Variants in GALNT5 observed in about 807,000 individuals in gnomAD.
GALNT5 encodes UDP-GalNAc:polypeptide N-acetylgalactosaminyltransferase 5.
In GALNT5, 72 loss-of-function variants were observed where a neutral mutation model predicts 85.4. The ratio of observed to expected loss-of-function variants is 0.84; its 90% CI spans 0.70 to 1.03. The LOEUF (loss-of-function observed/expected upper bound fraction) is 1.03. GALNT5 is among the 50% of genes least tolerant of loss of function. The pLI is 0.00. For missense variants in GALNT5, 1,137 were observed against 1,135.5 expected, an observed-to-expected ratio of 1.00 and a Z score of -0.02; for synonymous variants, 404 against 397.0, an observed-to-expected ratio of 1.02 and a Z score of -0.21.
At chr2:157,310,792 T>G (rs16841586) in intron 9 of GALNT5, among the ~76,000 whole-genome samples, 2,702 of 152,288 alleles carry the variant, frequency 0.018, 80 homozygotes, top group East Asian at 0.13. Context: ...TCCAGAATTT[T>G]GTAATCCAAA....
In GALNT5 at chr2:157,312,862, T is replaced by C. The variant is rs527647928; in HGVS notation, c.*1514T>C. The C allele has an allele frequency of 2.9e-4, 44 of 152,312 alleles. No homozygotes were observed. Among genetic ancestry groups the C allele is most frequent in the Admixed American group, 1.1e-3 (17 of 15,296 alleles). 9.4% of individuals were successfully genotyped at this position (152,312 alleles called of 1,614,324 possible). ...CTGGAGGACAACCATACTATATTCTTGTTAATATGTTTTTTCTTTTTTTAA... is the reference window on the plus strand; with the variant it reads ...CTGGAGGACAACCATACTATATTCTCGTTAATATGTTTTTTCTTTTTTTAA... On this transcript the variant is annotated 3_prime_UTR_variant, in exon 10 of 10. Transcript: ENST00000259056.
chr2:157,296,922 C>G (rs532688294), intron 5 of GALNT5, among the ~76,000 whole-genome samples: 1 of 152,130 alleles, frequency 6.6e-6, no homozygotes, highest in Non-Finnish European at 1.5e-5. Flanking sequence ...CTTTTACAGC[C>G]TAATCCTACC....
intron 1 of GALNT5, among the ~76,000 whole-genome samples, chr2:157,260,438 A>G (rs183908250): frequency 3.4e-4 from 52 of 152,392 alleles, no homozygotes; most frequent in African/African-American, 1.2e-3. Context: ...GATGTGGATC[A>G]AAACATAGAT....
chr2:157,298,476 T>G (rs1683263809), intron 5 of GALNT5, among the ~76,000 whole-genome samples: 2 of 152,148 alleles, frequency 1.3e-5, no homozygotes, highest in Non-Finnish European at 2.9e-5. Context: ...AGGGCGCCAA[T>G]TCACCGCAGC....
chr2:157,290,112 T>TATATATATATATATACACAC (rs1416458086), intron 3 of GALNT5, among the ~76,000 whole-genome samples: 40 of 138,226 alleles, frequency 2.9e-4, no homozygotes, highest in African/African-American at 1.0e-3. Flanking sequence ...TATATATATA[T>TATATATATATATATACACAC]ACATACACAA....
chr2:157,293,662 A>G (rs1181587861), intron 3 of GALNT5, among the ~76,000 whole-genome samples: 1 of 152,242 alleles, frequency 6.6e-6, no homozygotes, highest in Admixed American at 6.5e-5. Flanking sequence ...TTCACTAAAC[A>G]GAATCCTCAA....
At chr2:157,307,608 T>A (rs1366964696) in intron 8 of GALNT5, among the ~76,000 whole-genome samples, 2 of 152,152 alleles carry the variant, frequency 1.3e-5, no homozygotes, top group African/African-American at 4.8e-5. Flanking sequence ...CACTTCTAAG[T>A]AGCTCCCAGC....
Position 157,315,080 on chromosome 2 carries a change from A to G in GALNT5, c.*3732A>G, listed in dbSNP as rs1416379905. Among the ~76,000 whole-genome samples, 1 of 151,594 alleles carries G rather than the reference A, an allele frequency of 6.6e-6. No homozygotes were observed. Among genetic ancestry groups the G allele is most frequent in the African/African-American group, 2.4e-5 (1 of 40,876 alleles). ...ACAACAGAGCAAGACTCTATCTCAAAAAATAATAATAATAATTTTTACCTC... is the reference window on the plus strand; with the variant it reads ...ACAACAGAGCAAGACTCTATCTCAAGAAATAATAATAATAATTTTTACCTC... On this transcript the variant is annotated 3_prime_UTR_variant, in exon 10 of 10. Coordinates refer to ENST00000259056, the MANE Select transcript of GALNT5 (RefSeq NM_014568.3).
Position 157,257,936 on chromosome 2 carries a change from G to T in GALNT5, c.-147G>T. The T allele has an allele frequency of 1.3e-6, 1 of 770,404 alleles. No individual in the cohort carries two copies. Among genetic ancestry groups the T allele is most frequent in the South Asian group, 1.6e-5 (1 of 61,422 alleles). The allele number at this position is 770,404 out of a possible 1,614,324, so 47.7% of individuals were successfully genotyped here. ...GCGGTAGGAACTGAGCTTTCCCCTT[G>T]GACTGCTGCTTCCTGCTGTGTTCAG... On this transcript the variant is annotated 5_prime_UTR_variant, in exon 1 of 10. Transcript: ENST00000259056.
At chr2:157,277,324 T>C (rs1214771578) in intron 1 of GALNT5, among the ~76,000 whole-genome samples, 1 of 152,178 alleles carries the variant, frequency 6.6e-6, no homozygotes, top group African/African-American at 2.4e-5. Flanking sequence ...GTTCTGTAGA[T>C]GTCTATTAGG....
chr2:157,311,224 T>C lies in GALNT5; in HGVS notation c.2699T>C (p.Phe900Ser). Residue 900 changes from phenylalanine (F) to serine (S), a missense_variant, in exon 10 of 10, where the codon TTT becomes TCT. Physicochemically the swap from Phe to Ser is radical, Grantham distance 155 (BLOSUM62 -2). Transcript: ENST00000259056. ...FHPELVNHIV[F>S]ENNQQLLCLE... ...TCTCTCCAGGTGAATCACATTGTTT[T>C]TGAAAACAATCAGCAATTATTATGC... is the stretch of plus-strand genomic sequence containing the variant. 6.2e-7 allele frequency: 1 copy of C among 1,611,022 alleles called. No individual in the cohort carries two copies. Among genetic ancestry groups the C allele is most frequent in the Admixed American group, 1.7e-5 (1 of 59,806 alleles).
chr2:157,275,190 A>G (rs1210693546), intron 1 of GALNT5, among the ~76,000 whole-genome samples: 1 of 151,948 alleles, frequency 6.6e-6, no homozygotes, highest in Admixed American at 6.6e-5. Flanking sequence ...TCGTCCATAT[A>G]TCTGTTTTGG....
chr2:157,296,275 C>A lies in GALNT5; in HGVS notation c.1878-119C>A, dbSNP rs1044356131. 9.7e-6 allele frequency: 7 copies of A among 723,826 alleles called. No homozygotes were observed. The African/African-American group carries it at 1.1e-4, about 11-fold the overall frequency. 44.8% of individuals were successfully genotyped at this position (723,826 alleles called of 1,614,324 possible). A position where few individuals can be genotyped will look rare whatever the true frequency, so the allele number is the denominator to read the frequency against. On this transcript the variant is annotated intron_variant, in intron 4 of 9. Coordinates refer to ENST00000259056, the MANE Select transcript of GALNT5 (RefSeq NM_014568.3). ...TGAACTATTATTAAAAGGTGGTGAT[C>A]TAAACTCATCAAAAGCACTTGTTTC... is the stretch of plus-strand genomic sequence containing the variant.
intron 1 of GALNT5, among the ~76,000 whole-genome samples, chr2:157,280,739 T>A (rs1402647937): frequency 2.0e-5 from 3 of 152,200 alleles, no homozygotes; most frequent in Non-Finnish European, 4.4e-5. Flanking sequence ...GAGGTGAGAC[T>A]TGGTGGGAGG....
chr2:157,286,912 G>GTC (rs1221804504), intron 3 of GALNT5, among the ~76,000 whole-genome samples: 1 of 151,412 alleles, frequency 6.6e-6, no homozygotes, highest in African/African-American at 2.4e-5. Flanking sequence ...GTGTGTGTGT[G>GTC]TGTGTGTGTG....
chr2:157,287,248 A>G (rs897380569), intron 3 of GALNT5, among the ~76,000 whole-genome samples: 9 of 152,178 alleles, frequency 5.9e-5, no homozygotes, highest in Admixed American at 3.3e-4. Context: ...GTTTTACCCA[A>G]TGGTTTTTAG....
rs560856672 is a variant in GALNT5 at position 157,311,401 on chromosome 2, A to G, written c.*53A>G. 1 of 1,181,644 alleles carries G rather than the reference A, an allele frequency of 8.5e-7. No homozygotes were observed. The highest frequency in any genetic ancestry group is 1.2e-6 in the Non-Finnish European group (1 of 837,356). 73.2% of individuals were successfully genotyped at this position (1,181,644 alleles called of 1,614,324 possible). On this transcript the variant is annotated 3_prime_UTR_variant, in exon 10 of 10. Coordinates refer to ENST00000259056, the MANE Select transcript of GALNT5 (RefSeq NM_014568.3). The stretch of plus-strand genomic sequence containing the variant: ...ACCCATTAAATACTGTGAAAATAAC[A>G]CTGAACTTGGAAACTATATTTCTCA...
Position 157,311,532 on chromosome 2 carries a change from G to T in GALNT5, c.*184G>T, listed in dbSNP as rs539798711. 1.8e-4 allele frequency: 91 copies of T among 498,084 alleles called. No homozygotes were observed. Among genetic ancestry groups the T allele is most frequent in the African/African-American group, 1.6e-3 (81 of 49,162 alleles). The allele number at this position is 498,084 out of a possible 1,614,324, so 30.9% of individuals were successfully genotyped here. A position where few individuals can be genotyped will look rare whatever the true frequency, so the allele number is the denominator to read the frequency against. Reference sequence around the variant, plus strand: ...TGACTCAGGAAAACAGTCCAACATTGGACTGAAGTCCTTCTTCGGAACTGG... The same window carrying T: ...TGACTCAGGAAAACAGTCCAACATTTGACTGAAGTCCTTCTTCGGAACTGG... On this transcript the variant is annotated 3_prime_UTR_variant, in exon 10 of 10. Coordinates refer to ENST00000259056, the MANE Select transcript of GALNT5 (RefSeq NM_014568.3).
At chr2:157,291,086 A>G (rs942247059) in intron 3 of GALNT5, among the ~76,000 whole-genome samples, 3 of 152,184 alleles carry the variant, frequency 2.0e-5, no homozygotes, top group African/African-American at 7.2e-5. Flanking sequence ...TATGAAGCCA[A>G]CAGAATTAAA....
Sources: allele counts gnomAD v4.1 joint callset (sites outside exome capture counted in the v4.1 genomes callset), GRCh38; gene constraint gnomAD v4.1.1; transcripts MANE v1.5; gene names NCBI Gene and HGNC (gene_info 2026-07-23, HGNC 2026-07-21).